PAQR5: variants seen among roughly 807,000 people sequenced by gnomAD.
PAQR5 encodes membrane progestin receptor gamma.
In PAQR5, 20 loss-of-function variants were observed where a neutral mutation model predicts 34.5. The ratio of observed to expected loss-of-function variants is 0.58; its 90% CI spans 0.41 to 0.84. The LOEUF (loss-of-function observed/expected upper bound fraction) is 0.84, where lower values mean the gene tolerates loss of function less well. Among genes scored for constraint, PAQR5 ranks in the 40% least tolerant of loss-of-function variants. The pLI, the probability that PAQR5 is intolerant of heterozygous loss-of-function variation, is 0.00. For missense variants in PAQR5, 378 were observed against 412.7 expected (o/e 0.92, Z 0.73); for synonymous variants, 131 against 155.6 (o/e 0.84, Z 1.18).
rs867410472 is a variant in PAQR5 at position 69,322,525 on chromosome 15, C to T, written c.-276-14816C>T. 7.6e-5 allele frequency among the ~76,000 whole-genome samples: 11 copies of T among 145,138 alleles called. 1 individual carries two copies. The highest frequency in any genetic ancestry group is 6.6e-4 in the South Asian group (3 of 4,538). The stretch of plus-strand genomic sequence containing the variant: ...ACCTAGCTAGGTACTGTGGCGTGTG[C>T]GTGTGGTCCAAGCTACTCAGGAGGG... On this transcript the variant is annotated intron_variant, in intron 1 of 8. Transcript: ENST00000395407.
At chr15:69,383,421 GC>G (rs1429469885) in intron 4 of PAQR5, among the ~76,000 whole-genome samples, 44 of 147,218 alleles carry the variant, frequency 3.0e-4, no homozygotes, top group African/African-American at 8.5e-4. Flanking sequence ...GGGTGAGTGG[GC>G]CCTCCGTGCT....
At chr15:69,390,360 A>ATTTATTTTTTTTTTTTTTTT (rs1555423101) in intron 6 of PAQR5, among the ~76,000 whole-genome samples, 1 of 135,840 alleles carries the variant, frequency 7.4e-6, no homozygotes, top group Non-Finnish European at 1.6e-5. Flanking sequence ...TTATTTATTT[A>ATTTATTTTTTTTTTTTTTTT]TTTTTTTGAG....
intron 3 of PAQR5, among the ~76,000 whole-genome samples, chr15:69,361,683 C>T (rs1009030009): frequency 6.6e-6 from 1 of 152,156 alleles, no homozygotes; most frequent in African/African-American, 2.4e-5. Context: ...CAAGAGAACT[C>T]ACTCACAGTT....
chr15:69,301,538 G>T (rs1320159474), intron 1 of PAQR5, among the ~76,000 whole-genome samples: 3 of 152,188 alleles, frequency 2.0e-5, no homozygotes, highest in Non-Finnish European at 4.4e-5. Context: ...ACTCCATGGG[G>T]CAGCTATGTA....
At chr15:69,389,054 C>T (rs895188639) in intron 5 of PAQR5, among the ~76,000 whole-genome samples, 2 of 152,240 alleles carry the variant, frequency 1.3e-5, no homozygotes, top group African/African-American at 2.4e-5. Flanking sequence ...ACCTAAAACA[C>T]AACGCAACAC....
chr15:69,389,309 A>G (rs2056193028), intron 5 of PAQR5, among the ~76,000 whole-genome samples: 1 of 152,256 alleles, frequency 6.6e-6, no homozygotes. Context: ...CTCTAGCTGC[A>G]GGACCCTGGG....
intron 2 of PAQR5, among the ~76,000 whole-genome samples, chr15:69,339,637 A>G (rs1204283457): frequency 6.6e-6 from 1 of 151,720 alleles, no homozygotes; most frequent in East Asian, 1.9e-4. Context: ...CATGCCTGGC[A>G]ATTTTTGTAT....
intron 4 of PAQR5, among the ~76,000 whole-genome samples, chr15:69,381,832 A>T (rs909714810): frequency 6.6e-6 from 1 of 152,252 alleles, no homozygotes; most frequent in Non-Finnish European, 1.5e-5. Context: ...CCACAAGTGT[A>T]GCTGGAAGGA....
At chr15:69,326,183 A>G (rs2054246642) in intron 1 of PAQR5, among the ~76,000 whole-genome samples, 1 of 152,134 alleles carries the variant, frequency 6.6e-6, no homozygotes, top group South Asian at 2.1e-4. Flanking sequence ...GACGCCAGCC[A>G]AATTTGCCTG....
At chr15:69,330,134 T>C (rs1221815340) in intron 1 of PAQR5, among the ~76,000 whole-genome samples, 1 of 152,200 alleles carries the variant, frequency 6.6e-6, no homozygotes, top group Non-Finnish European at 1.5e-5. Flanking sequence ...CCCATCTTCA[T>C]AGAACATTCT....
At chr15:69,306,636 C>CTCG (rs1437078987) in intron 1 of PAQR5, among the ~76,000 whole-genome samples, 2 of 152,068 alleles carry the variant, frequency 1.3e-5, no homozygotes, top group African/African-American at 2.4e-5. Context: ...ATCTCTTGAC[C>CTCG]TCGTGATCTG....
chr15:69,382,198 C>A (rs1450685040), intron 4 of PAQR5, among the ~76,000 whole-genome samples: 6 of 152,074 alleles, frequency 3.9e-5, no homozygotes, highest in African/African-American at 1.5e-4. Context: ...AGCCTTCCTA[C>A]AAGAGGGACA....
At chr15:69,360,711 G>A (rs1409664002) in intron 3 of PAQR5, among the ~76,000 whole-genome samples, 1 of 152,222 alleles carries the variant, frequency 6.6e-6, no homozygotes, top group Non-Finnish European at 1.5e-5. Context: ...GTGCTACAGA[G>A]AACTGGTGCA....
At position 69,403,916 on chromosome 15, in the gene PAQR5, A is replaced by C; in HGVS notation, c.*94A>C. On this transcript the variant is annotated 3_prime_UTR_variant, in exon 9 of 9. Transcript: ENST00000395407. ...AGGTGGTTACAGCTTATCATGGCCT[A>C]AAATATTCATAATGGTTGGTGTCTT... The C allele has an allele frequency of 7.9e-7, 1 of 1,266,704 alleles. No individual in the cohort carries two copies. Among genetic ancestry groups the C allele is most frequent in the Non-Finnish European group, 1.1e-6 (1 of 912,994 alleles). The allele number at this position is 1,266,704 out of a possible 1,614,324, so 78.5% of individuals were successfully genotyped here. A position where few individuals can be genotyped will look rare whatever the true frequency, so the allele number is the denominator to read the frequency against.
chr15:69,304,337 C>T (rs11855847), intron 1 of PAQR5, among the ~76,000 whole-genome samples: 66,272 of 152,086 alleles, frequency 0.44, 17,067 homozygotes, highest in Middle Eastern at 0.62. Flanking sequence ...TGCAACATGA[C>T]GTGAGTCAGT....
At chr15:69,354,937 T>A (rs58126268) in intron 2 of PAQR5, among the ~76,000 whole-genome samples, 3,159 of 152,282 alleles carry the variant, frequency 0.021, 117 homozygotes, top group African/African-American at 0.072. Flanking sequence ...CCAGGCTTTC[T>A]GGCCCTTGGA....
intron 1 of PAQR5, among the ~76,000 whole-genome samples, chr15:69,303,211 GC>G (rs1440937758): frequency 6.6e-6 from 1 of 152,226 alleles, no homozygotes; most frequent in Non-Finnish European, 1.5e-5. Flanking sequence ...ACTCTTGGAG[GC>G]AGAGCTGGAG....
At chr15:69,363,259 G>A (rs773328910) in intron 3 of PAQR5, among the ~76,000 whole-genome samples, 1 of 152,146 alleles carries the variant, frequency 6.6e-6, no homozygotes, top group Non-Finnish European at 1.5e-5. Context: ...TCATGGAAAA[G>A]GGCAGTTTCT....
At chr15:69,402,240 C>T (rs978552751) in intron 8 of PAQR5, among the ~76,000 whole-genome samples, 1 of 152,186 alleles carries the variant, frequency 6.6e-6, no homozygotes, top group African/African-American at 2.4e-5. Context: ...TTTGGCTTGT[C>T]GATGGCCGTT....
Sources: allele counts gnomAD v4.1 joint callset (sites outside exome capture counted in the v4.1 genomes callset), GRCh38; gene constraint gnomAD v4.1.1; transcripts MANE v1.5; gene names NCBI Gene and HGNC (gene_info 2026-07-23, HGNC 2026-07-21).